PTPRN2: variants seen among roughly 807,000 people sequenced by gnomAD.
PTPRN2 encodes the protein protein tyrosine phosphatase receptor type N2, also known as receptor-type tyrosine-protein phosphatase N2.
Under a neutral mutation model 118.8 loss-of-function variants are expected in PTPRN2, and 74 were observed. The ratio of observed to expected loss-of-function variants is 0.62; its 90% confidence interval spans 0.52 to 0.76. The LOEUF is 0.76. Among genes scored for constraint, PTPRN2 ranks in the 30% least tolerant of loss-of-function variants. The pLI is 0.00. For synonymous variants in PTPRN2, 641 were observed against 608.0 expected (o/e 1.05, Z -0.80); for missense variants, 1,481 against 1,394.4 (o/e 1.06, Z -0.99).
At chr7:158,376,011 C>A (rs73516604) in intron 2 of PTPRN2, among the ~76,000 whole-genome samples, 9 of 152,300 alleles carry the variant, frequency 5.9e-5, no homozygotes, top group African/African-American at 2.2e-4. Flanking sequence ...ATCAACAGGG[C>A]ACTGAGCTGG....
chr7:157,868,532 C>T lies in PTPRN2; in HGVS notation c.1788+30141G>A, dbSNP rs1473983431. The T allele has an allele frequency of 6.6e-6, 1 of 152,198 alleles. No homozygotes were observed. The highest frequency in any genetic ancestry group is 1.5e-5 in the Non-Finnish European group (1 of 68,054). The allele number at this position is 152,198 out of a possible 1,614,324, so 9.4% of individuals were successfully genotyped here. A position where few individuals can be genotyped will look rare whatever the true frequency, so the allele number is the denominator to read the frequency against. ...CCCTGGTTTAATTTAGCAAAACTAC[C>T]AATGCCAAGAACTGGTTAAATTTTT... On this transcript the variant is annotated intron_variant, in intron 12 of 22. Coordinates refer to ENST00000389418, the MANE Select transcript of PTPRN2 (RefSeq NM_002847.5). The surrounding 1 kb of genome is among the most constrained non-coding windows in gnomAD (Gnocchi z 5.2).
At chr7:157,678,314 G>A (rs1365556855) in intron 13 of PTPRN2, among the ~76,000 whole-genome samples, 1 of 152,106 alleles carries the variant, frequency 6.6e-6, no homozygotes, top group African/African-American at 2.4e-5. Flanking sequence ...CTTCTGGTGG[G>A]GTCAAGTAAA....
intron 11 of PTPRN2, among the ~76,000 whole-genome samples, chr7:157,915,359 G>A (rs991592426): frequency 2.0e-5 from 3 of 152,142 alleles, no homozygotes; most frequent in Non-Finnish European, 4.4e-5. Context: ...AGATGTTGTG[G>A]CTGTCCAGGC....
At chr7:158,071,325 G>A (rs1430760527) in intron 11 of PTPRN2, among the ~76,000 whole-genome samples, 3 of 123,014 alleles carry the variant, frequency 2.4e-5, no homozygotes, top group Admixed American at 8.0e-5. Context: ...GGTAGTGGAG[G>A]TGCCCATGGT....
chr7:157,920,129 G>C (rs901376760), intron 11 of PTPRN2, among the ~76,000 whole-genome samples: 7 of 152,172 alleles, frequency 4.6e-5, no homozygotes, highest in African/African-American at 1.7e-4. Context: ...TCTGAAGGCA[G>C]CCTCGTCATT....
At chr7:157,752,029 A>G (rs746481695) in intron 12 of PTPRN2, among the ~76,000 whole-genome samples, 3 of 152,074 alleles carry the variant, frequency 2.0e-5, no homozygotes, top group Admixed American at 6.6e-5. Flanking sequence ...GAGGGTAGAT[A>G]TGCTCAGAAA....
chr7:158,336,382 C>G, intron 2 of PTPRN2, among the ~76,000 whole-genome samples: 1 of 142,406 alleles, frequency 7.0e-6, no homozygotes, highest in Non-Finnish European at 1.5e-5. Context: ...CTGACACATG[C>G]AGACGTCACT....
At chr7:157,566,846 C>T (rs1005777694) in intron 21 of PTPRN2, among the ~76,000 whole-genome samples, 10 of 152,232 alleles carry the variant, frequency 6.6e-5, no homozygotes, top group Admixed American at 4.6e-4. Flanking sequence ...GGCTCCATCC[C>T]ATCCCTGTGG....
At chr7:157,835,909 G>A (rs1187657845) in intron 12 of PTPRN2, among the ~76,000 whole-genome samples, 4 of 152,192 alleles carry the variant, frequency 2.6e-5, no homozygotes, top group Admixed American at 1.3e-4. Flanking sequence ...TAAAGGAAAC[G>A]ACTGTGCATT....
chr7:157,691,381 G>A (rs913450498), intron 12 of PTPRN2, among the ~76,000 whole-genome samples: 3 of 152,108 alleles, frequency 2.0e-5, no homozygotes, highest in South Asian at 2.1e-4. Flanking sequence ...AAAATTGCAC[G>A]GCATATCGTT....
chr7:157,681,101 G>T (rs1406068153), intron 13 of PTPRN2, among the ~76,000 whole-genome samples: 1 of 150,930 alleles, frequency 6.6e-6, no homozygotes, highest in South Asian at 2.1e-4. Context: ...TCAACCTGCA[G>T]TTTTTTTTTC....
At chr7:157,932,509 C>A (rs1191225655) in intron 11 of PTPRN2, among the ~76,000 whole-genome samples, 2 of 152,110 alleles carry the variant, frequency 1.3e-5, no homozygotes, top group Admixed American at 6.5e-5. Flanking sequence ...GGGTGACTCA[C>A]TTGAATTGAC....
intron 5 of PTPRN2, among the ~76,000 whole-genome samples, chr7:158,171,157 T>C (rs565446213): frequency 7.0e-6 from 1 of 142,604 alleles, no homozygotes; most frequent in Non-Finnish European, 1.5e-5. Context: ...TATACACATA[T>C]ATATACACAC....
At chr7:157,631,046 G>A (rs1165272740) in intron 14 of PTPRN2, among the ~76,000 whole-genome samples, 2 of 152,156 alleles carry the variant, frequency 1.3e-5, no homozygotes, top group African/African-American at 4.8e-5. Flanking sequence ...TTCTCTGAGA[G>A]TTTTGTCTCC....
At chr7:157,799,156 G>A (rs1360263683) in intron 12 of PTPRN2, among the ~76,000 whole-genome samples, 6 of 152,178 alleles carry the variant, frequency 3.9e-5, no homozygotes, top group Admixed American at 3.9e-4. Context: ...GGGCCAGCAG[G>A]AGCAGGAGCA....
rs1233784995 is a variant in PTPRN2 at position 157,621,191 on chromosome 7, G to C, written c.2344+171C>G. Among the ~76,000 whole-genome samples, 5 of 4,814 alleles carry C rather than the reference G, an allele frequency of 1.0e-3. 1 individual carries two copies. The highest frequency in any genetic ancestry group is 3.8e-3 in the African/African-American group (5 of 1,316). The allele number at this position is 4,814 out of a possible 152,430, so 3.2% of individuals were successfully genotyped here. A position where few individuals can be genotyped will look rare whatever the true frequency, so the allele number is the denominator to read the frequency against. On this transcript the variant is annotated intron_variant, in intron 15 of 22. Transcript: ENST00000389418. ...CAGGTCAGCACGGCTAGTTTCCACT[G>C]CCTGTAACCCAGGCCTCCCGTCCCC...
intron 2 of PTPRN2, among the ~76,000 whole-genome samples, chr7:158,329,811 C>A (rs1230621954): frequency 2.0e-5 from 3 of 152,142 alleles, no homozygotes; most frequent in Admixed American, 6.5e-5. Flanking sequence ...TCCCACTTCA[C>A]CGCTCGAGGC....
chr7:158,317,475 G>A (rs1028488488), intron 2 of PTPRN2, among the ~76,000 whole-genome samples: 2 of 152,202 alleles, frequency 1.3e-5, no homozygotes, highest in African/African-American at 4.8e-5. Flanking sequence ...TGGGACTAAT[G>A]GGGACTAATT....
intron 3 of PTPRN2, among the ~76,000 whole-genome samples, chr7:158,316,566 C>T (rs978162720): frequency 1.3e-5 from 2 of 152,150 alleles, no homozygotes; most frequent in African/African-American, 2.4e-5. Flanking sequence ...GGCCCAGCTG[C>T]GGGCCACTGC....
Sources: gnomAD v4.1 joint callset for allele counts (sites outside exome capture counted in the v4.1 genomes callset) on GRCh38, gnomAD v4.1.1 for gene constraint, Gnocchi (gnomAD v3.1) non-coding constraint, MANE v1.5 for transcripts, NCBI Gene and HGNC (gene_info 2026-07-23, HGNC 2026-07-21) for gene names.